The following HSD17B12 variants were observed in gnomAD, a reference collection of about 807,000 sequenced individuals.
HSD17B12 encodes the protein hydroxysteroid 17-beta dehydrogenase 12.
A neutral mutation model predicts 39.3 loss-of-function variants in HSD17B12; 32 were observed. The observed-to-expected ratio is 0.81, with a 90% CI of 0.61 to 1.09. The LOEUF is 1.09. Among genes scored for constraint, HSD17B12 ranks in the 50% least tolerant of loss-of-function variants. HSD17B12 has a pLI of 0.00. For missense variants in HSD17B12, 342 were observed against 382.9 expected, an observed-to-expected ratio of 0.89 and a Z score of 0.89; for synonymous variants, 150 against 146.7, an observed-to-expected ratio of 1.02 and a Z score of -0.16.
rs57362643 is a variant in HSD17B12 at position 43,816,980 on chromosome 11, ATATATCTATATCTATATCTATATC to A, written c.501+631_501+654del. Among the ~76,000 whole-genome samples, 172 of 132,908 alleles carry A rather than the reference ATATATCTATATCTATATCTATATC, an allele frequency of 1.3e-3. 3 individuals are homozygous for A. The highest frequency in any genetic ancestry group is 0.011 in the Middle Eastern group (3 of 266). 87.2% of individuals were successfully genotyped at this position (132,908 alleles called of 152,430 possible). A position where few individuals can be genotyped will look rare whatever the true frequency, so the allele number is the denominator to read the frequency against. ...TTATGACTGAGTAGTATTCCATCAT[ATATATCTATATCTATATCTATATC>A]TATATCTATATCTATATCTATATCT... On this transcript the variant is annotated intron_variant, in intron 6 of 10. Coordinates refer to ENST00000278353, the MANE Select transcript of HSD17B12 (RefSeq NM_016142.3).
At chr11:43,701,489 T>C (rs546161797) in intron 1 of HSD17B12, among the ~76,000 whole-genome samples, 35 of 152,366 alleles carry the variant, frequency 2.3e-4, no homozygotes, top group African/African-American at 8.4e-4. Context: ...AAGTCTTTAA[T>C]ACATTTTGAT....
At chr11:43,805,792 C>G (rs1951012711) in intron 4 of HSD17B12, among the ~76,000 whole-genome samples, 1 of 152,136 alleles carries the variant, frequency 6.6e-6, no homozygotes, top group African/African-American at 2.4e-5. Flanking sequence ...ACACAGCCCC[C>G]CAAAAAACTG....
In HSD17B12 at chr11:43,845,352, T is replaced by C. The variant is rs188386227; in HGVS notation, c.684+5288T>C. On this transcript the variant is annotated intron_variant, in intron 9 of 10. Transcript: ENST00000278353. Reference sequence around the variant, plus strand: ...CTCAGATTTAACAGTGATACAATAATTTTATCTAATGTATTATTTGTGCCC... The same window carrying C: ...CTCAGATTTAACAGTGATACAATAACTTTATCTAATGTATTATTTGTGCCC... Among the ~76,000 whole-genome samples the C allele has an allele frequency of 2.7e-3, 418 of 152,352 alleles. 3 individuals carry two copies. Among genetic ancestry groups the C allele is most frequent in the African/African-American group, 9.6e-3 (401 of 41,582 alleles).
the HSD17B12 span, among the ~76,000 whole-genome samples, chr11:43,616,433 A>C: frequency 3.3e-5 from 5 of 150,598 alleles, no homozygotes; most frequent in Non-Finnish European, 5.9e-5. Flanking sequence ...AACAAAAAAA[A>C]AACAAACAAA....
intron 3 of HSD17B12, among the ~76,000 whole-genome samples, chr11:43,787,725 A>G (rs911679889): frequency 6.8e-6 from 1 of 148,144 alleles, no homozygotes; most frequent in African/African-American, 2.5e-5. Flanking sequence ...TGACAGAGCA[A>G]GACTCCGTCT....
At chr11:43,699,668 G>T (rs1209484316) in intron 1 of HSD17B12, among the ~76,000 whole-genome samples, 1 of 151,884 alleles carries the variant, frequency 6.6e-6, no homozygotes, top group Non-Finnish European at 1.5e-5. Context: ...TTTAGTTTGG[G>T]TTCTCCCAAA....
the HSD17B12 span, among the ~76,000 whole-genome samples, chr11:43,595,688 G>A: frequency 2.0e-5 from 3 of 152,058 alleles, no homozygotes; most frequent in Admixed American, 1.3e-4. Context: ...TCCCCGGTGG[G>A]GAGTAACCAG....
the HSD17B12 span, among the ~76,000 whole-genome samples, chr11:43,655,364 G>GCCCTTT: frequency 6.6e-6 from 1 of 152,296 alleles, no homozygotes; most frequent in Middle Eastern, 3.4e-3. Flanking sequence ...GGGACAATTT[G>GCCCTTT]ACTTCCTCTT....
intron 3 of HSD17B12, among the ~76,000 whole-genome samples, chr11:43,793,082 TTGC>T (rs996749319): frequency 6.1e-4 from 93 of 152,264 alleles, no homozygotes; most frequent in African/African-American, 2.1e-3. Flanking sequence ...AACAGACTCT[TTGC>T]TTAATATATT....
intron 1 of HSD17B12, among the ~76,000 whole-genome samples, chr11:43,689,727 T>G (rs1180023127): frequency 6.6e-6 from 1 of 151,870 alleles, no homozygotes; most frequent in Non-Finnish European, 1.5e-5. Context: ...TTTTGTATTT[T>G]TATTAGAGAC....
the HSD17B12 span, among the ~76,000 whole-genome samples, chr11:43,577,686 C>T: frequency 6.9e-6 from 1 of 144,158 alleles, no homozygotes; most frequent in African/African-American, 2.7e-5. Flanking sequence ...CTTATTATTC[C>T]CCCCTTTTCG....
chr11:43,612,227 A>C, the HSD17B12 span, among the ~76,000 whole-genome samples: 1 of 152,172 alleles, frequency 6.6e-6, no homozygotes, highest in Non-Finnish European at 1.5e-5. Flanking sequence ...GTATTTTATA[A>C]AACTAATAGT....
At chr11:43,822,992 C>A (rs979146989) in intron 6 of HSD17B12, among the ~76,000 whole-genome samples, 4 of 151,994 alleles carry the variant, frequency 2.6e-5, no homozygotes, top group African/African-American at 9.7e-5. Flanking sequence ...ATATTAATTT[C>A]TTTTTACTCT....
chr11:43,787,283 A>C (rs890186231), intron 3 of HSD17B12, among the ~76,000 whole-genome samples: 1 of 152,120 alleles, frequency 6.6e-6, no homozygotes, highest in Non-Finnish European at 1.5e-5. Context: ...TGCAGAACAG[A>C]TTGTGTATCA....
At chr11:43,636,444 C>A in the HSD17B12 span, among the ~76,000 whole-genome samples, 1 of 152,010 alleles carries the variant, frequency 6.6e-6, no homozygotes. Context: ...CAGTTAAGGT[C>A]CTGGACTAAG....
the HSD17B12 span, among the ~76,000 whole-genome samples, chr11:43,670,134 G>C: frequency 2.6e-5 from 4 of 152,160 alleles, no homozygotes; most frequent in Non-Finnish European, 5.9e-5. Flanking sequence ...TAAGATAGGT[G>C]GTCCAGGCTT....
chr11:43,813,548 T>C (rs1317115480), intron 4 of HSD17B12, among the ~76,000 whole-genome samples: 1 of 152,056 alleles, frequency 6.6e-6, no homozygotes, highest in Admixed American at 6.6e-5. Context: ...TTTGTTTATG[T>C]GCAATATTTT....
the HSD17B12 span, among the ~76,000 whole-genome samples, chr11:43,618,412 C>A: frequency 2.0e-5 from 3 of 152,172 alleles, no homozygotes; most frequent in Non-Finnish European, 4.4e-5. Flanking sequence ...TGGTGCTTGA[C>A]AACTTACGCC....
intron 1 of HSD17B12, among the ~76,000 whole-genome samples, chr11:43,743,605 A>C (rs578225870): frequency 1.8e-4 from 27 of 152,208 alleles, no homozygotes; most frequent in Non-Finnish European, 3.2e-4. Context: ...AGGATGAGTA[A>C]AACACCTGCA....
Sources: gnomAD v4.1 joint callset for allele counts (sites outside exome capture counted in the v4.1 genomes callset) on GRCh38, gnomAD v4.1.1 for gene constraint, MANE v1.5 for transcripts, NCBI Gene and HGNC (gene_info 2026-07-23, HGNC 2026-07-21) for gene names.